The following CRYBB2 variants were observed in gnomAD, a reference collection of about 807,000 sequenced individuals.
CRYBB2 encodes the protein beta-crystallin B2.
CRYBB2 carries 12 observed loss-of-function variants against 24.3 expected under a neutral mutation model. The ratio of observed to expected loss-of-function variants is 0.49; its 90% CI spans 0.32 to 0.80. The LOEUF is 0.80. Among genes scored for constraint, CRYBB2 ranks in the 30% least tolerant of loss-of-function variants. The pLI is 0.04. For synonymous variants in CRYBB2, 98 were observed against 101.6 expected (o/e 0.96, Z 0.21); for missense variants, 198 against 268.5 (o/e 0.74, Z 1.83).
intron 1 of CRYBB2, among the ~76,000 whole-genome samples, chr22:25,214,507 C>T (rs6004488): frequency 0.017 from 2,641 of 152,252 alleles, 81 homozygotes; most frequent in African/African-American, 0.06. Context: ...AGGTTGCTGA[C>T]GGTCTCTGTC....
rs553884574 is a variant in CRYBB2 at position 25,229,117 on chromosome 22, G to A, written c.307-319G>A. ...TGTGCATGTGTGTGTGTGTGCATGT[G>A]TGGGTGTTCACATGTGGGTGGGTAG... On this transcript the variant is annotated intron_variant, in intron 4 of 5. Transcript: ENST00000398215. Among the ~76,000 whole-genome samples, 35 of 152,312 alleles carry A rather than the reference G, an allele frequency of 2.3e-4. 1 individual carries two copies. Among genetic ancestry groups the A allele is most frequent in the Non-Finnish European group, 1.5e-4 (10 of 68,016 alleles).
chr22:25,229,033 TGCGTGTGTGCAAGTGTG>T, intron 4 of CRYBB2, among the ~76,000 whole-genome samples: 1 of 146,408 alleles, frequency 6.8e-6, no homozygotes, highest in Non-Finnish European at 1.5e-5. Flanking sequence ...CGTGTGTGCG[TGCGTGTGTGCAAGTGTG>T]GTGTGCGTGT....
At position 25,227,898 on chromosome 22, in the gene CRYBB2, G is replaced by A. The variant is rs1271433567; in HGVS notation, c.219G>A (p.Val73=). The A allele has an allele frequency of 1.2e-6, 2 of 1,614,146 alleles. No homozygotes were observed. The highest frequency in any genetic ancestry group is 8.5e-7 in the Non-Finnish European group (1 of 1,180,018). ...CCAACTGCAAGGGCGAGCAGTTTGT[G>A]TTTGAGAAGGGTGAGTACCCCCGCT... ...EQANCKGEQF[V]FEKGEYPRWD... Residue 73 remains valine (V), a synonymous_variant, in exon 4 of 6, where the codon GTG becomes GTA. Coordinates refer to ENST00000398215, the MANE Select transcript of CRYBB2 (RefSeq NM_000496.3).
chr22:25,218,795 A>AAAG (rs1935257419), upstream of CRYBB2, among the ~76,000 whole-genome samples: 1 of 115,586 alleles, frequency 8.7e-6, no homozygotes, highest in Admixed American at 8.0e-5. Flanking sequence ...AGAAAGAAAG[A>AAAG]AAGAAAGAAA....
At chr22:25,218,747 G>A (rs1378075986), upstream of CRYBB2, among the ~76,000 whole-genome samples, 8 of 27,354 alleles carry the variant, frequency 2.9e-4, no homozygotes, top group Non-Finnish European at 5.3e-4. Context: ...GAGAGAGAGA[G>A]AGAGAGAGAG....
At chr22:25,227,298 G>C (rs1935436166) in intron 3 of CRYBB2, among the ~76,000 whole-genome samples, 1 of 152,088 alleles carries the variant, frequency 6.6e-6, no homozygotes, top group African/African-American at 2.4e-5. Flanking sequence ...TTTGGGCAGA[G>C]TCTAACAACA....
chr22:25,217,035 G>A (rs1935179250), upstream of CRYBB2, among the ~76,000 whole-genome samples: 1 of 152,170 alleles, frequency 6.6e-6, no homozygotes, highest in Admixed American at 6.5e-5. Flanking sequence ...ATGGACATTT[G>A]GGTGGTTTCC....
intron 5 of CRYBB2, among the ~76,000 whole-genome samples, chr22:25,230,154 C>CT (rs60217259): frequency 7.3e-4 from 105 of 143,912 alleles, no homozygotes; most frequent in South Asian, 3.0e-3. Flanking sequence ...CTTGTAAGAA[C>CT]TTTTTTTTTT....
At chr22:25,219,570 G>A (rs1935285243), upstream of CRYBB2, 1 of 152,308 alleles carries the variant, frequency 6.6e-6, no homozygotes, top group Non-Finnish European at 1.5e-5. Context: ...CAGGAGCACA[G>A]CGGTCACTCA....
At chr22:25,219,607 G>GTA (rs1411422388), upstream of CRYBB2, 1 of 152,244 alleles carries the variant, frequency 6.6e-6, no homozygotes, top group Non-Finnish European at 1.5e-5. Context: ...TCTGGGGAAG[G>GTA]TATAAATGCC....
chr22:25,221,100 C>T (rs1281922323), intron 1 of CRYBB2, among the ~76,000 whole-genome samples: 2 of 152,174 alleles, frequency 1.3e-5, no homozygotes, highest in Non-Finnish European at 2.9e-5. Context: ...TGTGTGGTAT[C>T]CATTGTCTGG....
At chr22:25,229,309 G>C (rs1040350650) in intron 4 of CRYBB2, 127 bp from the exon 5 acceptor site, 2 of 1,498,178 alleles carry the variant, frequency 1.3e-6, no homozygotes, top group Admixed American at 2.0e-5. Context: ...GACACGTAGT[G>C]GGTGCACTGG....
In CRYBB2 at chr22:25,219,906, T is replaced by A. The variant is rs188342277; in HGVS notation, c.-27+240T>A. On this transcript the variant is annotated intron_variant, in intron 1 of 5. Coordinates refer to ENST00000398215, the MANE Select transcript of CRYBB2 (RefSeq NM_000496.3). ...TGGCACACAGTGGGCATTGGGGCAATGTTCTTTATTATTAATATTAAACAG... is the reference window on the plus strand; with the variant it reads ...TGGCACACAGTGGGCATTGGGGCAAAGTTCTTTATTATTAATATTAAACAG... Among the ~76,000 whole-genome samples, 4 of 152,270 alleles carry A rather than the reference T, an allele frequency of 2.6e-5. No individual in the cohort carries two copies. The South Asian group carries it at 8.3e-4, about 32-fold the overall frequency.
chr22:25,231,746 C>T lies in CRYBB2; in HGVS notation c.592C>T (p.Arg198Cys), dbSNP rs200845666. 50 of 1,613,946 alleles carry T rather than the reference C, an allele frequency of 3.1e-5. No individual in the cohort carries two copies. The highest frequency in any genetic ancestry group is 2.3e-4 in the Admixed American group (14 of 60,008). ...RRIRDMQWHQ[R>C]GAFHPSN Reference sequence around the variant, plus strand: ...TATCCGCGACATGCAGTGGCACCAACGTGGTGCCTTCCACCCCTCCAACTA... The same window carrying T: ...TATCCGCGACATGCAGTGGCACCAATGTGGTGCCTTCCACCCCTCCAACTA... Residue 198 changes from arginine (R) to cysteine (C), a missense_variant, in exon 6 of 6, where the codon CGT becomes TGT. Coordinates refer to ENST00000398215, the MANE Select transcript of CRYBB2 (RefSeq NM_000496.3).
intron 2 of CRYBB2, among the ~76,000 whole-genome samples, chr22:25,224,702 G>A (rs1250754979): frequency 6.6e-6 from 1 of 152,058 alleles, no homozygotes; most frequent in African/African-American, 2.4e-5. Flanking sequence ...TTTTACAGAC[G>A]GGGAGACTGA....
intron 1 of CRYBB2, chr22:25,213,750 C>T (rs182548865): frequency 1.3e-5 from 2 of 152,350 alleles, no homozygotes; most frequent in Admixed American, 1.3e-4. Context: ...GCCTTCCTTT[C>T]TCTGGCTCGC....
upstream of CRYBB2, among the ~76,000 whole-genome samples, chr22:25,218,345 A>C (rs1382828071): frequency 6.6e-6 from 1 of 151,340 alleles, no homozygotes; most frequent in African/African-American, 2.4e-5. Context: ...ATCTAAGAGC[A>C]ACTCACTCTA....
chr22:25,213,835 T>C (rs538180013), intron 1 of CRYBB2: 1 of 152,362 alleles, frequency 6.6e-6, no homozygotes, highest in African/African-American at 2.4e-5. Flanking sequence ...ACTTGTTGTC[T>C]TAGCGTCTGC....
chr22:25,218,690 A>AGAG (rs146184218), upstream of CRYBB2, among the ~76,000 whole-genome samples: 4,305 of 78,550 alleles, frequency 0.055, 661 homozygotes, highest in African/African-American at 0.14. Context: ...GAAAGAAAGA[A>AGAG]AGAGAGAGAG....
Sources: gnomAD v4.1 joint callset for allele counts (sites outside exome capture counted in the v4.1 genomes callset) on GRCh38, gnomAD v4.1.1 for gene constraint, MANE v1.5 for transcripts, NCBI Gene and HGNC (gene_info 2026-07-23, HGNC 2026-07-21) for gene names.